The following PRKN variants were observed in gnomAD, a reference collection of about 807,000 sequenced individuals.
PRKN encodes the protein E3 ubiquitin-protein ligase parkin.
In PRKN, 56 loss-of-function variants were observed where a neutral mutation model predicts 59.5. The ratio of observed to expected loss-of-function variants is 0.94; its 90% CI spans 0.76 to 1.18. PRKN has a LOEUF of 1.18. Ranked by LOEUF, PRKN falls within the 50% of genes most tolerant of loss-of-function variation. The pLI, the probability that PRKN is intolerant of heterozygous loss-of-function variation, is 0.00. For missense variants in PRKN, 657 were observed against 596.4 expected (o/e 1.10, Z -1.06); for synonymous variants, 250 against 222.1 (o/e 1.13, Z -1.12).
intron 2 of PRKN, among the ~76,000 whole-genome samples, chr6:162,288,144 TGGAAGTGGG>T (rs1460897987): frequency 6.6e-6 from 1 of 152,206 alleles, no homozygotes; most frequent in African/African-American, 2.4e-5. Flanking sequence ...CCTCCCTGCC[TGGAAGTGGG>T]CTCTATACCA....
intron 2 of PRKN, among the ~76,000 whole-genome samples, chr6:162,409,079 A>G (rs1225269497): frequency 3.3e-5 from 5 of 152,094 alleles, no homozygotes; most frequent in African/African-American, 1.2e-4. Flanking sequence ...CGATTTGCAT[A>G]GATGGGGTAA....
chr6:161,837,844 T>C (rs1337562726), intron 6 of PRKN, among the ~76,000 whole-genome samples: 5 of 152,148 alleles, frequency 3.3e-5, no homozygotes, highest in Non-Finnish European at 5.9e-5. Context: ...AATAATAGTT[T>C]TGAGAGCTTT....
intron 3 of PRKN, among the ~76,000 whole-genome samples, chr6:162,202,660 AC>A (rs1442248472): frequency 1.3e-5 from 2 of 152,344 alleles, no homozygotes; most frequent in East Asian, 3.9e-4. Context: ...CATAATAATG[AC>A]ATAAAATGTT....
At chr6:162,178,894 A>C (rs558969969) in intron 4 of PRKN, among the ~76,000 whole-genome samples, 1 of 152,084 alleles carries the variant, frequency 6.6e-6, no homozygotes. Flanking sequence ...TTTTGAGTCA[A>C]GGGCTCTCCG....
chr6:162,218,809 C>G (rs1777809649), intron 3 of PRKN, among the ~76,000 whole-genome samples: 1 of 152,080 alleles, frequency 6.6e-6, no homozygotes, highest in African/African-American at 2.4e-5. Flanking sequence ...TCATGTTCCT[C>G]CGTGGCAGCG....
At chr6:161,766,870 G>A (rs1249246558) in intron 7 of PRKN, among the ~76,000 whole-genome samples, 1 of 152,206 alleles carries the variant, frequency 6.6e-6, no homozygotes, top group African/African-American at 2.4e-5. Flanking sequence ...AAAAGGTGGA[G>A]AGGGAAAATG....
chr6:162,254,965 T>C (rs754460139), intron 3 of PRKN, among the ~76,000 whole-genome samples: 1 of 151,984 alleles, frequency 6.6e-6, no homozygotes, highest in Non-Finnish European at 1.5e-5. Context: ...TGGGAAGTAT[T>C]ATTCCTCATG....
chr6:162,201,108 A>G (rs368358152), intron 4 of PRKN, 23 bp downstream of exon 4: 100 of 1,613,454 alleles, frequency 6.2e-5, no homozygotes, highest in Non-Finnish European at 7.9e-5. Flanking sequence ...TGGCAGTCTC[A>G]TGCTGACACT....
chr6:161,459,104 G>C lies in PRKN; in HGVS notation c.1084-72227C>G, dbSNP rs1790095529. Among the ~76,000 whole-genome samples the C allele has an allele frequency of 6.6e-6, 1 of 152,126 alleles. No individual in the cohort carries two copies. The highest frequency in any genetic ancestry group is 2.4e-5 in the African/African-American group (1 of 41,436). ...TCTGCTGACAGCCAGGGCCTTGTTA[G>C]TGGCCCAGTAGCCAAAAGAAGCTAC... On this transcript the variant is annotated intron_variant, in intron 9 of 11. Coordinates refer to ENST00000366898, the MANE Select transcript of PRKN (RefSeq NM_004562.3). This position sits in a 1 kb window ranked among gnomAD's most constrained non-coding sequence, Gnocchi z 4.8.
chr6:161,826,487 G>A (rs1792249787), intron 6 of PRKN, among the ~76,000 whole-genome samples: 1 of 152,106 alleles, frequency 6.6e-6, no homozygotes, highest in African/African-American at 2.4e-5. Context: ...ACCCATTAAT[G>A]TACAAATGCA....
chr6:161,358,563 C>A (rs13210239), intron 11 of PRKN, among the ~76,000 whole-genome samples: 1 of 151,924 alleles, frequency 6.6e-6, no homozygotes, highest in Non-Finnish European at 1.5e-5. Context: ...TGCAGTGAAC[C>A]GAGATTACGC....
At chr6:162,048,722 T>TAAAA (rs58981275) in intron 5 of PRKN, among the ~76,000 whole-genome samples, 1 of 141,554 alleles carries the variant, frequency 7.1e-6, no homozygotes. Context: ...GCTGATGAAC[T>TAAAA]AAAAAAAAAA....
intron 4 of PRKN, among the ~76,000 whole-genome samples, chr6:162,170,878 A>G (rs951649096): frequency 1.3e-5 from 2 of 152,166 alleles, no homozygotes; most frequent in Admixed American, 1.3e-4. Context: ...TAAATTTACC[A>G]CAAAGTTCAT....
At chr6:162,228,450 C>T (rs1778282318) in intron 3 of PRKN, among the ~76,000 whole-genome samples, 1 of 152,052 alleles carries the variant, frequency 6.6e-6, no homozygotes, top group Admixed American at 6.6e-5. Context: ...TAATGAGAGT[C>T]CCAGAACTAA....
chr6:161,412,011 A>ACTCATTCCTCCC (rs1787580699), intron 9 of PRKN, among the ~76,000 whole-genome samples: 2 of 72,974 alleles, frequency 2.7e-5, no homozygotes, highest in African/African-American at 5.3e-5. Flanking sequence ...TCATTCCTCC[A>ACTCATTCCTCCC]CTCATTCATT....
chr6:162,379,624 G>C (rs561445880), intron 2 of PRKN, among the ~76,000 whole-genome samples: 1 of 152,026 alleles, frequency 6.6e-6, no homozygotes, highest in Non-Finnish European at 1.5e-5. Context: ...TGCCTTTCCC[G>C]CATGGACCCG....
At chr6:162,025,579 G>C (rs1218465368) in intron 5 of PRKN, among the ~76,000 whole-genome samples, 1 of 104,270 alleles carries the variant, frequency 9.6e-6, no homozygotes. Context: ...CCATATCCAT[G>C]GTGCTTTTTT....
At chr6:161,382,370 T>C (rs906159809) in intron 10 of PRKN, among the ~76,000 whole-genome samples, 1 of 150,590 alleles carries the variant, frequency 6.6e-6, no homozygotes, top group Non-Finnish European at 1.5e-5. Context: ...TCAGACACTG[T>C]AGATCTATTA....
At chr6:161,956,111 C>T (rs1780160970) in intron 6 of PRKN, among the ~76,000 whole-genome samples, 1 of 152,210 alleles carries the variant, frequency 6.6e-6, no homozygotes, top group Admixed American at 6.5e-5. Flanking sequence ...GTGATCAGCA[C>T]TGTTCAAGTT....
Sources: gnomAD v4.1 joint callset for allele counts (sites outside exome capture counted in the v4.1 genomes callset) on GRCh38, gnomAD v4.1.1 for gene constraint, Gnocchi (gnomAD v3.1) non-coding constraint, MANE v1.5 for transcripts, NCBI Gene and HGNC (gene_info 2026-07-23, HGNC 2026-07-21) for gene names.